TRPV2: variants seen among roughly 807,000 people sequenced by gnomAD.
TRPV2 encodes the protein OTRPC2.
TRPV2 carries 58 observed loss-of-function variants against 91.0 expected under a neutral mutation model. That is an observed-to-expected ratio of 0.64 (90% CI 0.52 to 0.79). The LOEUF (loss-of-function observed/expected upper bound fraction) is 0.79, where lower values mean the gene tolerates loss of function less well. Among genes scored for constraint, TRPV2 ranks in the 30% least tolerant of loss-of-function variants. The pLI, the probability that TRPV2 is intolerant of heterozygous loss-of-function variation, is 0.00. For synonymous variants in TRPV2, 417 were observed against 414.8 expected, an observed-to-expected ratio of 1.01 and a Z score of -0.06; for missense variants, 807 against 969.6, an observed-to-expected ratio of 0.83 and a Z score of 2.23.
chr17:16,430,445 T>G (rs1232078689), intron 10 of TRPV2, among the ~76,000 whole-genome samples: 1 of 152,068 alleles, frequency 6.6e-6, no homozygotes, highest in African/African-American at 2.4e-5. Context: ...TATAATGTCC[T>G]CAAGGATCAG....
intron 2 of TRPV2, chr17:16,419,426 G>C (rs1796551968): frequency 4.2e-6 from 2 of 470,790 alleles, no homozygotes; most frequent in Admixed American, 4.7e-5. Context: ...TCTGTTTCTG[G>C]GAAATTTCTT....
chr17:16,418,350 C>T (rs1321778647), intron 2 of TRPV2, among the ~76,000 whole-genome samples: 2 of 152,134 alleles, frequency 1.3e-5, no homozygotes, highest in Non-Finnish European at 2.9e-5. Context: ...GTCATCTGCA[C>T]TTTGATTTTC....
In TRPV2 at chr17:16,431,869, C is replaced by A; in HGVS notation, c.1654+19C>A. ...GCTGTAGGTAAAGGCTCCCTCCGGCCCCCTCCCCCTTCCCCACGTTCCTTG... is the reference window on the plus strand; with the variant it reads ...GCTGTAGGTAAAGGCTCCCTCCGGCACCCTCCCCCTTCCCCACGTTCCTTG... On this transcript the variant is annotated intron_variant, in intron 11 of 14. Coordinates refer to ENST00000338560, the MANE Select transcript of TRPV2 (RefSeq NM_016113.5). 1 of 1,613,996 alleles carries A rather than the reference C, an allele frequency of 6.2e-7. No homozygotes were observed. The highest frequency in any genetic ancestry group is 8.5e-7 in the Non-Finnish European group (1 of 1,179,910).
At chr17:16,427,656 A>G in intron 8 of TRPV2, 109 bp downstream of exon 8, 1 of 1,024,796 alleles carries the variant, frequency 9.8e-7, no homozygotes, top group Non-Finnish European at 1.4e-6. Flanking sequence ...AGTCCCACCC[A>G]GAGCAACCAG....
chr17:16,435,097 C>A lies in TRPV2; in HGVS notation c.2194+128C>A. 1 of 639,174 alleles carries A rather than the reference C, an allele frequency of 1.6e-6. No individual in the cohort carries two copies. The highest frequency in any genetic ancestry group is 2.5e-6 in the Non-Finnish European group (1 of 394,110). 39.6% of individuals were successfully genotyped at this position (639,174 alleles called of 1,614,324 possible). ...TAGTCCCTTTGCAGATCCCCACATGCCAGCTCCTCTTAGAGGGATTGCCTC... is the reference window on the plus strand; with the variant it reads ...TAGTCCCTTTGCAGATCCCCACATGACAGCTCCTCTTAGAGGGATTGCCTC... On this transcript the variant is annotated intron_variant, in intron 14 of 14. Transcript: ENST00000338560. This position sits in a 1 kb window ranked among gnomAD's most constrained non-coding sequence, Gnocchi z 4.2.
chr17:16,425,106 C>T (rs1458629123), intron 5 of TRPV2, among the ~76,000 whole-genome samples: 1 of 147,334 alleles, frequency 6.8e-6, no homozygotes, highest in Admixed American at 7.0e-5. Context: ...CTAACTGCAA[C>T]CTCCGCCTCC....
Position 16,427,543 on chromosome 17 carries a change from G to A in TRPV2, c.1346G>A (p.Gly449Asp), listed in dbSNP as rs776075840. 1.7e-5 allele frequency: 27 copies of A among 1,610,404 alleles called. No homozygotes were observed. The highest frequency in any genetic ancestry group is 1.6e-4 in the Middle Eastern group (1 of 6,066). ...ILLGGIYLLV[G>D]QLWYFWRRHV... is the part of the protein sequence containing the mutation. The stretch of plus-strand genomic sequence containing the variant: ...CTAGGGGGGATCTACCTCCTCGTGG[G>A]CCAGGTGAGTGCCCCTCCCCTTCTC... Residue 449 changes from glycine to aspartate, a missense_variant, in exon 8 of 15, where the codon GGC (glycine) becomes GAC (aspartate). By Grantham distance (94) the Gly-to-Asp change is moderately conservative. Transcript: ENST00000338560.
In TRPV2 at chr17:16,426,090, A is replaced by T. The variant is rs775522399; in HGVS notation, c.925-9A>T. ...ACCATGAATGCAAGCTCATATGGCCACCCTGCAGATTTTCAGGCACATCCT... is the reference window on the plus strand; with the variant it reads ...ACCATGAATGCAAGCTCATATGGCCTCCCTGCAGATTTTCAGGCACATCCT... On this transcript the variant is annotated splice_polypyrimidine_tract_variant and intron_variant, in intron 5 of 14. Coordinates refer to ENST00000338560, the MANE Select transcript of TRPV2 (RefSeq NM_016113.5). This position sits in a 1 kb window ranked among gnomAD's most constrained non-coding sequence, Gnocchi z 6.0. The T allele has an allele frequency of 3.7e-6, 6 of 1,614,104 alleles. No individual in the cohort carries two copies. The East Asian group carries it at 1.1e-4, about 30-fold the overall frequency.
At chr17:16,431,664 A>G in intron 10 of TRPV2, 120 bp from the exon 11 acceptor site, 2 of 844,894 alleles carry the variant, frequency 2.4e-6, no homozygotes, top group Admixed American at 1.9e-5. Context: ...ACATATGCAT[A>G]TGTATGTGTG....
Position 16,417,585 on chromosome 17 carries a change from G to A in TRPV2, c.-84G>A, listed in dbSNP as rs532591531. On this transcript the variant is annotated 5_prime_UTR_variant, in exon 2 of 15. Transcript: ENST00000338560. ...AGGCTCCAGTCAGGCCAACACCGAC[G>A]CGCAGCTGGGAGGAAGACAGGACCC... 8.2e-5 allele frequency: 121 copies of A among 1,469,724 alleles called. No homozygotes were observed. The highest frequency in any genetic ancestry group is 1.0e-4 in the Non-Finnish European group (109 of 1,060,794). 91.0% of individuals were successfully genotyped at this position (1,469,724 alleles called of 1,614,324 possible). A position where few individuals can be genotyped will look rare whatever the true frequency, so the allele number is the denominator to read the frequency against.
chr17:16,432,992 A>T (rs1356761960), intron 12 of TRPV2, among the ~76,000 whole-genome samples: 2 of 151,898 alleles, frequency 1.3e-5, no homozygotes, highest in Non-Finnish European at 2.9e-5. Flanking sequence ...TTTAGTAGAG[A>T]TAAGGTTTCA....
chr17:16,423,639 G>C lies in TRPV2; in HGVS notation c.796G>C (p.Val266Leu). The change falls in exon 5 of 15, where the codon GTG (valine) becomes CTG (leucine). Residue 266 changes from valine (V) to leucine (L), a missense_variant. Val to Leu is a conservative substitution (Grantham distance 32). Coordinates refer to ENST00000338560, the MANE Select transcript of TRPV2 (RefSeq NM_016113.5). ...CAACTCAGCTGAGAACATTGCACTG[G>C]TGACCAGCATGTATGATGGGCTCCT... ...SDNSAENIAL[V>L]TSMYDGLLQA... 1 of 1,614,176 alleles carries C rather than the reference G, an allele frequency of 6.2e-7. No homozygotes were observed. Among genetic ancestry groups the C allele is most frequent in the Non-Finnish European group, 8.5e-7 (1 of 1,180,038 alleles).
In TRPV2 at chr17:16,426,067, C is replaced by G; in HGVS notation, c.925-32C>G. On this transcript the variant is annotated intron_variant, in intron 5 of 14. Coordinates refer to ENST00000338560, the MANE Select transcript of TRPV2 (RefSeq NM_016113.5). This position sits in a 1 kb window ranked among gnomAD's most constrained non-coding sequence, Gnocchi z 6.0. ...CCCAGGATCAGTGCCAGGAAGGGAC[C>G]ATGAATGCAAGCTCATATGGCCACC... 4 of 1,612,568 alleles carry G rather than the reference C, an allele frequency of 2.5e-6. No individual in the cohort carries two copies. Among genetic ancestry groups the G allele is most frequent in the Non-Finnish European group, 3.4e-6 (4 of 1,178,860 alleles).
Position 16,428,357 on chromosome 17 carries a change from C to CA in TRPV2, c.1391_1392insA (p.Phe465ValfsTer7). 6.2e-7 allele frequency: 1 copy of CA among 1,614,202 alleles called. No individual in the cohort carries two copies. Among genetic ancestry groups the CA allele is most frequent in the Non-Finnish European group, 8.5e-7 (1 of 1,180,038 alleles). On this transcript the variant is annotated frameshift_variant, in exon 9 of 15. Transcript: ENST00000338560. LOFTEE classifies it high-confidence loss of function. The stretch of plus-strand genomic sequence containing the variant: ...CGGCGCCACGTGTTCATCTGGATCT[C>CA]GTTCATAGACAGCTACTTTGAAATC...
Position 16,433,681 on chromosome 17 carries a change from T to C in TRPV2, c.2097T>C (p.Asp699=), listed in dbSNP as rs1326280728. 2 of 1,613,894 alleles carry C rather than the reference T, an allele frequency of 1.2e-6. No homozygotes were observed. The highest frequency in any genetic ancestry group is 1.7e-5 in the Admixed American group (1 of 60,022). Residue 699 remains aspartate, a synonymous_variant, in exon 13 of 15, where the codon GAT becomes GAC. Transcript: ENST00000338560. ...GCACTAAGCCAGATGGCAGCCCCGATGAGCGCTGGTGCTTCAGGTGAGTGA... is the reference window on the plus strand; with the variant it reads ...GCACTAAGCCAGATGGCAGCCCCGACGAGCGCTGGTGCTTCAGGTGAGTGA... The part of the protein sequence containing the change: ...TVGTKPDGSP[D]ERWCFRVEEV...
intron 12 of TRPV2, among the ~76,000 whole-genome samples, 200 bp downstream of exon 12, chr17:16,432,500 G>T (rs1423941771): frequency 6.6e-6 from 1 of 150,564 alleles, no homozygotes; most frequent in Non-Finnish European, 1.5e-5. Flanking sequence ...GAGTGCAGTG[G>T]CACGATCACA....
At chr17:16,424,910 A>G (rs2093375706) in intron 5 of TRPV2, among the ~76,000 whole-genome samples, 1 of 148,238 alleles carries the variant, frequency 6.7e-6, no homozygotes, top group Admixed American at 6.8e-5. Flanking sequence ...AATACATATT[A>G]TATGTACATA....
intron 2 of TRPV2, chr17:16,419,210 T>A (rs1421049018): frequency 2.5e-6 from 1 of 407,784 alleles, no homozygotes; most frequent in Non-Finnish European, 5.0e-6. Flanking sequence ...CAGAGGCAAG[T>A]TGGCCCCTGT....
At position 16,426,635 on chromosome 17, in the gene TRPV2, C is replaced by T. The variant is rs2093384434; in HGVS notation, c.1096-87C>T. On this transcript the variant is annotated intron_variant, in intron 6 of 14. Transcript: ENST00000338560. This position sits in a 1 kb window ranked among gnomAD's most constrained non-coding sequence, Gnocchi z 6.0. ...GCTCCCTGTCCTCTCTCCTCATTTC[C>T]TGGGCCCTTGCTTTGATCTTGACAT... The T allele has an allele frequency of 6.7e-7, 1 of 1,487,932 alleles. No individual in the cohort carries two copies. Among genetic ancestry groups the T allele is most frequent in the Non-Finnish European group, 9.1e-7 (1 of 1,102,074 alleles). The allele number at this position is 1,487,932 out of a possible 1,614,324, so 92.2% of individuals were successfully genotyped here.
Sources: allele counts gnomAD v4.1 joint callset (sites outside exome capture counted in the v4.1 genomes callset), GRCh38; gene constraint gnomAD v4.1.1; non-coding constraint Gnocchi (gnomAD v3.1); transcripts MANE v1.5; gene names NCBI Gene and HGNC (gene_info 2026-07-23, HGNC 2026-07-21).